Variants in CDH12 observed in about 807,000 individuals in gnomAD.
CDH12 encodes the protein cadherin 12, also known as cadherin-12.
CDH12 carries 41 observed loss-of-function variants against 74.1 expected under a neutral mutation model. That is an observed-to-expected ratio of 0.55 (90% CI 0.43 to 0.72). The LOEUF (loss-of-function observed/expected upper bound fraction) is 0.72, where lower values mean the gene tolerates loss of function less well. Ranked by LOEUF, CDH12 falls within the 30% of genes least tolerant of loss-of-function variation. The pLI is 0.00. For missense variants in CDH12, 945 were observed against 977.2 expected (o/e 0.97, Z 0.44); for synonymous variants, 399 against 355.0 (o/e 1.12, Z -1.39).
chr5:22,129,581 G>A (rs979719501), intron 4 of CDH12, among the ~76,000 whole-genome samples: 49 of 152,222 alleles, frequency 3.2e-4, no homozygotes, highest in African/African-American at 1.1e-3. Context: ...AAATTAACAG[G>A]TCTTTGAATG....
chr5:22,247,633 T>A (rs1025280654), intron 3 of CDH12, among the ~76,000 whole-genome samples: 3 of 151,360 alleles, frequency 2.0e-5, no homozygotes, highest in Admixed American at 2.0e-4. Flanking sequence ...TGAGATCACA[T>A]CACTGCACTC....
chr5:22,408,039 T>C (rs1190895483), intron 2 of CDH12, among the ~76,000 whole-genome samples: 1 of 152,066 alleles, frequency 6.6e-6, no homozygotes, highest in Non-Finnish European at 1.5e-5. Flanking sequence ...AATCTTCCCA[T>C]TTCAGTCAGT....
chr5:22,503,066 C>A (rs1736237666), intron 2 of CDH12, among the ~76,000 whole-genome samples: 1 of 152,192 alleles, frequency 6.6e-6, no homozygotes, highest in South Asian at 2.1e-4. Context: ...CAACTTCAAC[C>A]ATATTTTTCA....
chr5:22,154,465 AT>A (rs1362383325), intron 4 of CDH12, among the ~76,000 whole-genome samples: 51 of 710 alleles, frequency 0.072, 3 homozygotes, highest in East Asian at 0.45. Context: ...GTACACATAT[AT>A]ATGTACACAT....
intron 1 of CDH12, among the ~76,000 whole-genome samples, chr5:22,514,914 T>C (rs144003532): frequency 1.3e-5 from 2 of 152,318 alleles, no homozygotes; most frequent in African/African-American, 2.4e-5. Flanking sequence ...GATGTGATTA[T>C]GTTTTACTTT....
chr5:21,975,109 G>A lies in CDH12; in HGVS notation c.508C>T (p.Pro170Ser), dbSNP rs1336689210. 4.4e-6 allele frequency: 7 copies of A among 1,595,968 alleles called. No homozygotes were observed. The East Asian group carries it at 1.6e-4, about 36-fold the overall frequency. Residue 170 changes from proline (P) to serine (S), a missense_variant, in exon 6 of 15, where the codon CCA becomes TCA. Physicochemically the swap from Pro to Ser is moderately conservative, Grantham distance 74 (BLOSUM62 -1). Coordinates refer to ENST00000382254, the MANE Select transcript of CDH12 (RefSeq NM_004061.5). ...TACTCACCCACAGGAGACATTTCTG[G>A]AACAGTAGCAACATAAGGTCCATCC... The part of the protein sequence containing the change: ...FLDGPYVATV[P>S]EMSPVGAYVL...
chr5:22,775,728 A>G (rs531803849), intron 1 of CDH12, among the ~76,000 whole-genome samples: 2 of 152,172 alleles, frequency 1.3e-5, no homozygotes, highest in African/African-American at 4.8e-5. Context: ...TATGAATTAC[A>G]TATATATTTA....
At chr5:22,229,587 T>C (rs1417324190) in intron 3 of CDH12, among the ~76,000 whole-genome samples, 2 of 152,156 alleles carry the variant, frequency 1.3e-5, no homozygotes, top group Admixed American at 6.5e-5. Context: ...TTATGTATTG[T>C]AATGATGTTT....
At chr5:22,441,467 T>C (rs745957300) in intron 2 of CDH12, among the ~76,000 whole-genome samples, 12 of 152,124 alleles carry the variant, frequency 7.9e-5, no homozygotes, top group Non-Finnish European at 1.5e-5. Flanking sequence ...ATCCATAAAG[T>C]TGCTTAAAAT....
intron 1 of CDH12, among the ~76,000 whole-genome samples, chr5:22,532,728 C>T (rs1288577605): frequency 2.0e-5 from 3 of 151,714 alleles, no homozygotes; most frequent in Non-Finnish European, 4.4e-5. Context: ...TGGCGAAAAC[C>T]TGAAACTAAA....
rs115874795 is a variant in CDH12 at position 22,127,449 on chromosome 5, C to A, written c.-186-48587G>T. On this transcript the variant is annotated intron_variant, in intron 4 of 14. Transcript: ENST00000382254. ...CCAAGACCGCATCATTGCACTCCAG[C>A]CTGGACAACAAGAGTGGAACTCCAT... Among the ~76,000 whole-genome samples the A allele has an allele frequency of 9.4e-4, 141 of 150,042 alleles. 1 individual carries two copies. Among genetic ancestry groups the A allele is most frequent in the African/African-American group, 3.3e-3 (135 of 40,688 alleles).
intron 10 of CDH12, among the ~76,000 whole-genome samples, chr5:21,799,475 T>G (rs184426493): frequency 2.0e-5 from 3 of 152,112 alleles, no homozygotes; most frequent in Admixed American, 2.0e-4. Context: ...GGTTGATAGA[T>G]TGATTACTTA....
intron 6 of CDH12, 42 bp from the exon 7 acceptor site, chr5:21,854,832 T>C (rs913489870): frequency 1.8e-5 from 29 of 1,585,124 alleles, no homozygotes; most frequent in Non-Finnish European, 2.5e-5. Flanking sequence ...TTTGTTTTAC[T>C]ACTTTCAAGG....
intron 4 of CDH12, among the ~76,000 whole-genome samples, chr5:22,191,774 C>T (rs1177162284): frequency 1.3e-5 from 2 of 151,508 alleles, no homozygotes; most frequent in Admixed American, 6.6e-5. Context: ...CCGTTTTAGC[C>T]GGGATGGTCT....
intron 1 of CDH12, among the ~76,000 whole-genome samples, chr5:22,717,721 T>C (rs1031549314): frequency 2.6e-5 from 4 of 152,164 alleles, no homozygotes; most frequent in African/African-American, 9.7e-5. Flanking sequence ...TGTTTGAGGA[T>C]GGGAGAGGTA....
At chr5:22,449,971 T>C (rs955488708) in intron 2 of CDH12, among the ~76,000 whole-genome samples, 1 of 152,002 alleles carries the variant, frequency 6.6e-6, no homozygotes, top group African/African-American at 2.4e-5. Flanking sequence ...TTTAAATGTC[T>C]ACAAAACTGC....
At chr5:22,019,900 C>A (rs1288393158) in intron 5 of CDH12, among the ~76,000 whole-genome samples, 1 of 152,064 alleles carries the variant, frequency 6.6e-6, no homozygotes, top group Non-Finnish European at 1.5e-5. Context: ...CAAAATCTTC[C>A]AAGAAATGCC....
At chr5:22,281,799 C>A (rs905182208) in intron 3 of CDH12, among the ~76,000 whole-genome samples, 5 of 152,056 alleles carry the variant, frequency 3.3e-5, no homozygotes, top group Admixed American at 3.3e-4. Flanking sequence ...CCATACTGCC[C>A]AAAGGAATTT....
At chr5:21,791,078 T>G (rs968865125) in intron 10 of CDH12, among the ~76,000 whole-genome samples, 8 of 151,970 alleles carry the variant, frequency 5.3e-5, no homozygotes, top group Non-Finnish European at 5.9e-5. Context: ...TGACACCCAT[T>G]TGAACAGTTC....
Sources: gnomAD v4.1 joint callset for allele counts (sites outside exome capture counted in the v4.1 genomes callset) on GRCh38, gnomAD v4.1.1 for gene constraint, MANE v1.5 for transcripts, NCBI Gene and HGNC (gene_info 2026-07-23, HGNC 2026-07-21) for gene names.